The following PAIP1 variants were observed in gnomAD, a reference collection of about 807,000 sequenced individuals.
PAIP1 encodes polyadenylate-binding protein-interacting protein 1.
Under a neutral mutation model 61.3 loss-of-function variants are expected in PAIP1, and 16 were observed. The ratio of observed to expected loss-of-function variants is 0.26; its 90% confidence interval spans 0.18 to 0.40. The LOEUF is 0.40. Ranked by LOEUF, PAIP1 falls within the 10% of genes least tolerant of loss-of-function variation. PAIP1 has a pLI of 1.00. For synonymous variants in PAIP1, 187 were observed against 226.2 expected, an observed-to-expected ratio of 0.83 and a Z score of 1.56; for missense variants, 416 against 600.9, an observed-to-expected ratio of 0.69 and a Z score of 3.22.
At position 43,547,852 on chromosome 5, in the gene PAIP1, A is replaced by G; in HGVS notation, c.497T>C (p.Leu166Ser). ...GCCAGGCTGCTCTGTAAGATGATTC[A>G]AAAAATCCTGAACATATTCTGATAG... ...PTLSEYVQDF[L>S]NHLTEQPGSF... The change falls in exon 3 of 11, where the codon TTG becomes TCG. Residue 166 changes from leucine to serine, a missense_variant. By Grantham distance (145) the Leu-to-Ser change is moderately radical. Coordinates refer to ENST00000306846, the MANE Select transcript of PAIP1 (RefSeq NM_006451.5). 6.2e-7 allele frequency: 1 copy of G among 1,611,834 alleles called. No individual in the cohort carries two copies. Among genetic ancestry groups the G allele is most frequent in the East Asian group, 2.2e-5 (1 of 44,876 alleles).
intron 2 of PAIP1, among the ~76,000 whole-genome samples, chr5:43,554,820 C>T (rs998873179): frequency 6.6e-6 from 1 of 152,178 alleles, no homozygotes; most frequent in Admixed American, 6.5e-5. Context: ...AACTCCATAC[C>T]TTGGTAATAT....
intron 2 of PAIP1, among the ~76,000 whole-genome samples, chr5:43,550,980 C>T (rs1179541862): frequency 6.6e-6 from 1 of 151,962 alleles, no homozygotes; most frequent in African/African-American, 2.4e-5. Flanking sequence ...AGCACACAGG[C>T]CCCAAGGAGG....
intron 8 of PAIP1, among the ~76,000 whole-genome samples, 188 bp downstream of exon 8, chr5:43,534,665 C>A (rs1428139229): frequency 6.6e-6 from 1 of 152,180 alleles, no homozygotes; most frequent in East Asian, 1.9e-4. Context: ...TTTCTCTAGT[C>A]CACCCTTTCA....
intron 1 of PAIP1, 140 bp downstream of exon 1, chr5:43,556,442 G>C: frequency 8.3e-7 from 1 of 1,206,062 alleles, no homozygotes; most frequent in South Asian, 4.3e-5. Flanking sequence ...GTCCCTACCC[G>C]GTCACGCGGC....
rs766493987 is a variant in PAIP1, at chr5:43,547,042, CAAAAAAAA to C, written c.621+678_621+685del. ...TGGGAGACAGGGCAAGACTCCATAT[CAAAAAAAA>C]AAAAAAAAAAAAAAAAAAAGCGTTA... On this transcript the variant is annotated intron_variant, in intron 3 of 10. Transcript: ENST00000306846. 1.9e-3 allele frequency among the ~76,000 whole-genome samples: 69 copies of C among 35,664 alleles called. 1 individual carries two copies. In the East Asian group the frequency reaches 0.065, roughly 34 times the overall value. The allele number at this position is 35,664 out of a possible 152,430, so 23.4% of individuals were successfully genotyped here. A position where few individuals can be genotyped will look rare whatever the true frequency, so the allele number is the denominator to read the frequency against.
rs562125562 is a variant in PAIP1, at chr5:43,547,542, C to G, written c.621+186G>C. On this transcript the variant is annotated intron_variant, in intron 3 of 10. Coordinates refer to ENST00000306846, the MANE Select transcript of PAIP1 (RefSeq NM_006451.5). ...TACACATGTGAACTTGCAATCCTGTCTGGCTCTACCCTTGGATCCCTAACT... is the reference window on the plus strand; with the variant it reads ...TACACATGTGAACTTGCAATCCTGTGTGGCTCTACCCTTGGATCCCTAACT... Among the ~76,000 whole-genome samples the G allele has an allele frequency of 1.3e-4, 20 of 152,292 alleles. No homozygotes were observed. The South Asian group carries it at 3.5e-3, about 27-fold the overall frequency.
At chr5:43,536,007 G>A in intron 6 of PAIP1, among the ~76,000 whole-genome samples, 2 of 147,556 alleles carry the variant, frequency 1.4e-5, no homozygotes, top group African/African-American at 2.5e-5. Flanking sequence ...ACACAAACAT[G>A]CATTTCATCA....
chr5:43,542,965 T>G, intron 4 of PAIP1, 39 bp downstream of exon 4: 1 of 1,032,632 alleles, frequency 9.7e-7, no homozygotes, highest in Non-Finnish European at 1.5e-6. Flanking sequence ...TCTAGTATAT[T>G]TAGAAGTAGT....
At chr5:43,533,890 A>G (rs11741521) in intron 8 of PAIP1, 98 bp from the exon 9 acceptor site, 744,647 of 745,792 alleles carry the variant, frequency 1, 371,770 homozygotes, top group East Asian at 1. Context: ...GTCTGCACCT[A>G]ATAATGCAAG....
Position 43,526,593 on chromosome 5 carries a change from A to G in PAIP1, c.*783T>C, listed in dbSNP as rs1554038920. 6.8e-6 allele frequency: 1 copy of G among 147,800 alleles called. No individual in the cohort carries two copies. Among genetic ancestry groups the G allele is most frequent in the Admixed American group, 6.9e-5 (1 of 14,576 alleles). The allele number at this position is 147,800 out of a possible 1,614,324, so 9.2% of individuals were successfully genotyped here. On this transcript the variant is annotated 3_prime_UTR_variant, in exon 11 of 11. Coordinates refer to ENST00000306846, the MANE Select transcript of PAIP1 (RefSeq NM_006451.5). ...AAGCAGATGAAAACTTGAATGACAA[A>G]TATCTAGTAAAATTCTCTAGTAAAA...
chr5:43,531,931 T>C (rs1746959299), intron 9 of PAIP1, among the ~76,000 whole-genome samples: 2 of 151,964 alleles, frequency 1.3e-5, no homozygotes, highest in Non-Finnish European at 2.9e-5. Flanking sequence ...ATGTTTAGAA[T>C]GATGAGAAAA....
intron 4 of PAIP1, 45 bp downstream of exon 4, chr5:43,542,959 G>GT (rs1213706568): frequency 1.0e-6 from 1 of 982,934 alleles, no homozygotes; most frequent in Non-Finnish European, 1.6e-6. Flanking sequence ...TCAAATTCTA[G>GT]TATATTTAGA....
intron 3 of PAIP1, among the ~76,000 whole-genome samples, chr5:43,546,811 G>C (rs901425584): frequency 2.5e-4 from 38 of 151,930 alleles, no homozygotes; most frequent in Non-Finnish European, 1.5e-5. Flanking sequence ...GGGAGACCAA[G>C]GCAAGCAGAT....
Position 43,544,765 on chromosome 5 carries a change from C to G in PAIP1, c.622-1649G>C, listed in dbSNP as rs2112407950. 2.0e-5 allele frequency among the ~76,000 whole-genome samples: 3 copies of G among 152,272 alleles called. No individual in the cohort carries two copies. The South Asian group carries it at 6.2e-4, about 32-fold the overall frequency. On this transcript the variant is annotated intron_variant, in intron 3 of 10. Transcript: ENST00000306846. ...GGTGTACAACACATAATTTATTCAG[C>G]ATCCCCAAAGGAAAAAAGACCCTGT...
chr5:43,527,525 T>C (rs1167827112), intron 10 of PAIP1, 56 bp from the exon 11 acceptor site: 21 of 1,445,368 alleles, frequency 1.5e-5, no homozygotes, highest in Non-Finnish European at 1.9e-5. Context: ...GAAAGTAAGA[T>C]GCTAAATCAT....
intron 2 of PAIP1, among the ~76,000 whole-genome samples, chr5:43,553,644 A>C (rs1285616843): frequency 6.6e-6 from 1 of 152,212 alleles, no homozygotes; most frequent in East Asian, 1.9e-4. Context: ...CTGTTCTATG[A>C]CTAATTGGAT....
At chr5:43,534,416 C>T (rs1256880019) in intron 8 of PAIP1, among the ~76,000 whole-genome samples, 1 of 152,248 alleles carries the variant, frequency 6.6e-6, no homozygotes, top group Non-Finnish European at 1.5e-5. Context: ...TCAGGCTGGT[C>T]TTGAACTCCT....
intron 5 of PAIP1, among the ~76,000 whole-genome samples, chr5:43,538,418 CAT>C (rs1747243734): frequency 6.6e-6 from 1 of 152,104 alleles, no homozygotes; most frequent in Non-Finnish European, 1.5e-5. Context: ...ACGATGTATG[CAT>C]ATATCAAAGT....
At chr5:43,550,837 C>CCAAAA (rs1747833307) in intron 2 of PAIP1, among the ~76,000 whole-genome samples, 1 of 49,556 alleles carries the variant, frequency 2.0e-5, no homozygotes, top group Non-Finnish European at 3.3e-5. Flanking sequence ...AAATATACTA[C>CCAAAA]AAAAAAAAAA....
Sources: allele counts gnomAD v4.1 joint callset (sites outside exome capture counted in the v4.1 genomes callset), GRCh38; gene constraint gnomAD v4.1.1; transcripts MANE v1.5; gene names NCBI Gene and HGNC (gene_info 2026-07-23, HGNC 2026-07-21).